USP44: variants seen among roughly 807,000 people sequenced by gnomAD.
USP44 encodes ubiquitin specific peptidase 44, also known as ubiquitin carboxyl-terminal hydrolase 44.
In USP44, 61 loss-of-function variants were observed where a neutral mutation model predicts 69.0. The observed-to-expected ratio is 0.88, with a 90% CI of 0.72 to 1.09. The LOEUF (loss-of-function observed/expected upper bound fraction) is 1.09, where lower values mean the gene tolerates loss of function less well. Among genes scored for constraint, USP44 ranks in the 50% least tolerant of loss-of-function variants. The pLI is 0.00. For missense variants in USP44, 753 were observed against 849.9 expected, an observed-to-expected ratio of 0.89 and a Z score of 1.42; for synonymous variants, 297 against 295.4, an observed-to-expected ratio of 1.01 and a Z score of -0.06.
At chr12:95,529,119 T>C (rs1592695822) in intron 2 of USP44, 117 bp from the exon 3 acceptor site, 1 of 874,678 alleles carries the variant, frequency 1.1e-6, no homozygotes, top group East Asian at 2.8e-5. Context: ...ACCATTAGGA[T>C]TCTGAATAAT....
At chr12:95,525,932 T>G (rs956664713) in intron 3 of USP44, among the ~76,000 whole-genome samples, 2 of 152,206 alleles carry the variant, frequency 1.3e-5, no homozygotes, top group African/African-American at 4.8e-5. Flanking sequence ...TTCGCTGGCC[T>G]TTCTTCCAGG....
chr12:95,535,484 A>G (rs937089140), intron 1 of USP44: 4 of 152,260 alleles, frequency 2.6e-5, no homozygotes, highest in African/African-American at 9.6e-5. Context: ...GAATATTCTC[A>G]GAAACATACA....
chr12:95,524,912 G>T, intron 3 of USP44, 124 bp from the exon 4 acceptor site: 2 of 840,414 alleles, frequency 2.4e-6, no homozygotes, highest in South Asian at 2.5e-5. Context: ...GCATTGTACT[G>T]TGCTAGAGAT....
rs139631891 is a variant in USP44 at position 95,544,789 on chromosome 12, A to G, written c.-71+6483T>C. On this transcript the variant is annotated intron_variant, in intron 1 of 5. Transcript: ENST00000258499. The stretch of plus-strand genomic sequence containing the variant: ...AAATCTGAATAGACACTGAGATAAC[A>G]TTTTCATTAAGAAGCTTCCCCCCGC... Among the ~76,000 whole-genome samples the G allele has an allele frequency of 2.1e-4, 32 of 152,276 alleles. No homozygotes were observed. In the East Asian group the frequency reaches 6.0e-3, roughly 28 times the overall value.
chr12:95,533,970 TTCAGG>T lies in USP44; in HGVS notation c.282_286del (p.Asp94GlufsTer21). 6.2e-7 allele frequency: 1 copy of T among 1,614,194 alleles called. No individual in the cohort carries two copies. The highest frequency in any genetic ancestry group is 1.1e-5 in the South Asian group (1 of 91,088). On this transcript the variant is annotated frameshift_variant, in exon 2 of 6. Coordinates refer to ENST00000258499, the MANE Select transcript of USP44 (RefSeq NM_032147.5). LOFTEE classifies it high-confidence loss of function. ...GGCACTTAATGTACGTCGTAGTAAC[TTCAGG>T]TCTCCAGTTGTGTTATCATTCAGAA...
chr12:95,543,600 G>A (rs952255428), intron 1 of USP44, among the ~76,000 whole-genome samples: 1 of 151,878 alleles, frequency 6.6e-6, no homozygotes, highest in East Asian at 1.9e-4. Flanking sequence ...CATGACTATA[G>A]TCCCCAGCTA....
At chr12:95,540,524 T>C (rs2077354087) in intron 1 of USP44, among the ~76,000 whole-genome samples, 1 of 152,050 alleles carries the variant, frequency 6.6e-6, no homozygotes, top group Non-Finnish European at 1.5e-5. Flanking sequence ...GTATTTTTAG[T>C]ACAGATGGGG....
At chr12:95,541,088 G>A (rs549922130) in intron 1 of USP44, among the ~76,000 whole-genome samples, 136 of 152,220 alleles carry the variant, frequency 8.9e-4, no homozygotes, top group Admixed American at 5.5e-3. Context: ...GACCAGCCTG[G>A]TCAACATGGT....
chr12:95,541,098 T>C (rs535931531), intron 1 of USP44, among the ~76,000 whole-genome samples: 21 of 152,172 alleles, frequency 1.4e-4, no homozygotes, highest in African/African-American at 3.9e-4. Context: ...GTCAACATGG[T>C]GAAACCCCGT....
At chr12:95,529,618 G>A (rs375282405) in intron 2 of USP44, among the ~76,000 whole-genome samples, 14 of 151,936 alleles carry the variant, frequency 9.2e-5, no homozygotes, top group African/African-American at 2.4e-4. Context: ...ACGGGCTTTC[G>A]CCATGTTGGC....
At position 95,533,564 on chromosome 12, in the gene USP44, C is replaced by A. The variant is rs1297933467; in HGVS notation, c.693G>T (p.Gln231His). The A allele has an allele frequency of 8.7e-6, 14 of 1,613,562 alleles. No individual in the cohort carries two copies. Among genetic ancestry groups the A allele is most frequent in the Non-Finnish European group, 1.1e-5 (13 of 1,179,882 alleles). The change falls in exon 2 of 6, where the codon CAG becomes CAT. Residue 231 changes from glutamine (Q) to histidine (H), a missense_variant. Physicochemically the swap from Gln to His is conservative, Grantham distance 24. Coordinates refer to ENST00000258499, the MANE Select transcript of USP44 (RefSeq NM_032147.5). ...QSTIIEIVSV[Q>H]VPAQTPASPA... ...GTGATGCTGGCGTTTGTGCTGGCACCTGAACAGAAACTATTTCTATTATGG... is the reference window on the plus strand; with the variant it reads ...GTGATGCTGGCGTTTGTGCTGGCACATGAACAGAAACTATTTCTATTATGG...
At chr12:95,541,096 GGTGAAACC>G (rs2077373407) in intron 1 of USP44, among the ~76,000 whole-genome samples, 1 of 152,070 alleles carries the variant, frequency 6.6e-6, no homozygotes, top group Admixed American at 6.6e-5. Context: ...TGGTCAACAT[GGTGAAACC>G]CCGTCTCTAC....
At chr12:95,545,641 G>C (rs1393972984) in intron 1 of USP44, among the ~76,000 whole-genome samples, 1 of 152,114 alleles carries the variant, frequency 6.6e-6, no homozygotes, top group Non-Finnish European at 1.5e-5. Context: ...ATAGTATTCT[G>C]TCCTCTTAAG....
intron 2 of USP44, among the ~76,000 whole-genome samples, chr12:95,529,315 C>CATATATACATATATCTATGTATACATAG (rs1340969826): frequency 3.3e-5 from 5 of 151,974 alleles, no homozygotes; most frequent in Middle Eastern, 3.4e-3. Context: ...TACATATATA[C>CATATATACATATATCTATGTATACATAG]ATATATACAT....
Position 95,521,214 on chromosome 12 carries a change from C to G in USP44, c.1734-12G>C. 6.2e-7 allele frequency: 1 copy of G among 1,613,968 alleles called. No individual in the cohort carries two copies. The highest frequency in any genetic ancestry group is 1.7e-4 in the Middle Eastern group (1 of 6,060). ...TACGTCCTGACCACCTGTGAACAAACCAGTGTAAAATTATCCACACAATTA... is the reference window on the plus strand; with the variant it reads ...TACGTCCTGACCACCTGTGAACAAAGCAGTGTAAAATTATCCACACAATTA... On this transcript the variant is annotated splice_polypyrimidine_tract_variant and intron_variant, in intron 4 of 5. Transcript: ENST00000258499.
At chr12:95,522,761 A>T (rs1388442984) in intron 4 of USP44, among the ~76,000 whole-genome samples, 1 of 147,302 alleles carries the variant, frequency 6.8e-6, no homozygotes, top group Non-Finnish European at 1.5e-5. Flanking sequence ...CTAGGCGACA[A>T]GAGCGAAATT....
intron 3 of USP44, among the ~76,000 whole-genome samples, chr12:95,525,423 A>G (rs2076805680): frequency 6.6e-6 from 1 of 152,222 alleles, no homozygotes; most frequent in South Asian, 2.1e-4. Flanking sequence ...AAAAGTTACA[A>G]CATTCCCTAA....
At chr12:95,526,726 A>G (rs75690867) in intron 3 of USP44, among the ~76,000 whole-genome samples, 4,859 of 152,220 alleles carry the variant, frequency 0.032, 253 homozygotes, top group African/African-American at 0.11. Context: ...TGTTTACCTT[A>G]AAAGTTTAGT....
chr12:95,524,589 T>C, intron 4 of USP44, 91 bp downstream of exon 4: 1 of 958,264 alleles, frequency 1.0e-6, no homozygotes, highest in South Asian at 2.0e-5. Flanking sequence ...GTGATTAAAG[T>C]AAGGGGAAAA....
Sources: allele counts gnomAD v4.1 joint callset (sites outside exome capture counted in the v4.1 genomes callset), GRCh38; gene constraint gnomAD v4.1.1; transcripts MANE v1.5; gene names NCBI Gene and HGNC (gene_info 2026-07-23, HGNC 2026-07-21).